Variants in VWC2 observed in about 807,000 individuals in gnomAD.
VWC2 encodes the protein brorin.
VWC2 carries 14 observed loss-of-function variants against 29.8 expected under a neutral mutation model. The observed-to-expected ratio is 0.47, with a 90% confidence interval of 0.31 to 0.74. VWC2 has a LOEUF of 0.74. VWC2 is among the 30% of genes least tolerant of loss of function. The pLI is 0.05. For missense variants in VWC2, 457 were observed against 459.8 expected (o/e 0.99, Z 0.05); for synonymous variants, 213 against 199.0 (o/e 1.07, Z -0.59).
intron 3 of VWC2, among the ~76,000 whole-genome samples, chr7:49,852,606 G>A (rs895870806): frequency 4.0e-5 from 6 of 151,820 alleles, no homozygotes; most frequent in African/African-American, 1.5e-4. Context: ...GAGAAGTGAT[G>A]TTTGTGAGGA....
intron 3 of VWC2, among the ~76,000 whole-genome samples, chr7:49,879,929 A>G (rs949607593): frequency 2.0e-5 from 3 of 152,160 alleles, no homozygotes. Flanking sequence ...GATTCATCAC[A>G]GGTTTTCCAG....
chr7:49,789,118 G>T (rs375768883), intron 2 of VWC2, among the ~76,000 whole-genome samples: 1 of 85,508 alleles, frequency 1.2e-5, no homozygotes, highest in Admixed American at 9.6e-5. Context: ...TTGAGAGAGT[G>T]TAGTGTGTGT....
At chr7:49,803,577 C>T (rs553263545) in intron 3 of VWC2, among the ~76,000 whole-genome samples, 4 of 152,304 alleles carry the variant, frequency 2.6e-5, no homozygotes, top group East Asian at 1.9e-4. Context: ...TGAGTGGCCT[C>T]GCTGACAGGA....
At chr7:49,797,137 G>T (rs371419531) in intron 2 of VWC2, among the ~76,000 whole-genome samples, 1 of 152,170 alleles carries the variant, frequency 6.6e-6, no homozygotes. Flanking sequence ...TTGCCATCAA[G>T]TTAATATCTT....
intron 3 of VWC2, among the ~76,000 whole-genome samples, chr7:49,871,944 CA>C: frequency 8.3e-6 from 1 of 120,862 alleles, no homozygotes; most frequent in African/African-American, 3.5e-5. Flanking sequence ...CACACACACA[CA>C]CACACACACA....
intron 3 of VWC2, among the ~76,000 whole-genome samples, chr7:49,846,619 T>C (rs986158375): frequency 2.0e-5 from 3 of 152,206 alleles, no homozygotes; most frequent in Admixed American, 2.0e-4. Context: ...TACACTGTTA[T>C]TATTATTGCC....
intron 3 of VWC2, among the ~76,000 whole-genome samples, chr7:49,820,861 C>A (rs1789246920): frequency 6.6e-6 from 1 of 152,066 alleles, no homozygotes; most frequent in Admixed American, 6.6e-5. Context: ...CTGAGGAAGG[C>A]TGGCAGGCAT....
chr7:49,922,178 C>A (rs1006382756), downstream of VWC2, among the ~76,000 whole-genome samples: 2 of 152,106 alleles, frequency 1.3e-5, no homozygotes, highest in African/African-American at 4.8e-5. Flanking sequence ...CCTGAAGTAG[C>A]ATCTATAATA....
intron 3 of VWC2, among the ~76,000 whole-genome samples, chr7:49,829,030 C>G (rs1562721110): frequency 6.6e-6 from 1 of 152,202 alleles, no homozygotes; most frequent in Non-Finnish European, 1.5e-5. Context: ...TCTCTCTCTG[C>G]CTCATGGCTA....
chr7:49,846,460 C>T (rs575546546), intron 3 of VWC2, among the ~76,000 whole-genome samples: 7 of 152,302 alleles, frequency 4.6e-5, no homozygotes, highest in Admixed American at 2.0e-4. Flanking sequence ...TCCCTCACTT[C>T]CACGTCTTTG....
chr7:49,794,274 A>C (rs1432704696), intron 2 of VWC2, among the ~76,000 whole-genome samples: 2 of 152,230 alleles, frequency 1.3e-5, no homozygotes, highest in Non-Finnish European at 2.9e-5. Context: ...TGTGCATGAA[A>C]TACTATCATT....
rs1329497386 is a variant in VWC2, at chr7:49,775,773, C to T, written c.338C>T (p.Pro113Leu). 1.1e-5 allele frequency: 17 copies of T among 1,519,110 alleles called. No individual in the cohort carries two copies. The highest frequency in any genetic ancestry group is 5.0e-5 in the South Asian group (4 of 79,364). The allele number at this position is 1,519,110 out of a possible 1,614,324, so 94.1% of individuals were successfully genotyped here. The change falls in exon 2 of 4, where the codon CCC (proline) becomes CTC (leucine). Residue 113 changes from proline to leucine, a missense_variant. Around this residue, in one of 2 missense-constraint regions of VWC2, gnomAD observed 272 missense variants for 202.7 expected, o/e 1.34. Coordinates refer to ENST00000340652, the MANE Select transcript of VWC2 (RefSeq NM_198570.5). The part of the protein sequence containing the change: ...GAKAGDLQVR[P>L]RGDTPQAEAL... ...AAGGCCGGGGATCTGCAGGTCCGGC[C>T]CCGCGGGGACACCCCGCAGGCGGAA...
chr7:49,912,353 G>T lies in VWC2; in HGVS notation c.*168G>T. ...AACAGTTACTACAACAGAAGGAAAT[G>T]GATATATTTCAAAACATCAACAAGA... On this transcript the variant is annotated 3_prime_UTR_variant, in exon 4 of 4. Transcript: ENST00000340652. 3.2e-6 allele frequency: 2 copies of T among 623,348 alleles called. No individual in the cohort carries two copies. The highest frequency in any genetic ancestry group is 2.6e-6 in the Non-Finnish European group (1 of 388,140). 38.6% of individuals were successfully genotyped at this position (623,348 alleles called of 1,614,324 possible). A position where few individuals can be genotyped will look rare whatever the true frequency, so the allele number is the denominator to read the frequency against.
intron 3 of VWC2, among the ~76,000 whole-genome samples, chr7:49,896,255 C>T (rs1037382473): frequency 3.3e-5 from 5 of 152,088 alleles, no homozygotes; most frequent in African/African-American, 9.7e-5. Context: ...GCACAAGAAT[C>T]GCTTGAACCC....
At chr7:49,806,036 T>A (rs1788869069) in intron 3 of VWC2, among the ~76,000 whole-genome samples, 1 of 152,222 alleles carries the variant, frequency 6.6e-6, no homozygotes, top group Admixed American at 6.5e-5. Flanking sequence ...TGCAGATCAA[T>A]CTCCCAGTGT....
rs778422694 is a variant in VWC2 at position 49,912,227 on chromosome 7, T to A, written c.*42T>A. 2.1e-5 allele frequency: 34 copies of A among 1,609,662 alleles called. No individual in the cohort carries two copies. Among genetic ancestry groups the A allele is most frequent in the Non-Finnish European group, 1.2e-5 (14 of 1,177,058 alleles). ...AAACTCTGACTTTTTCTAGAACATTTTACTGATGTGAACATTCTAGATGAC... is the reference window on the plus strand; with the variant it reads ...AAACTCTGACTTTTTCTAGAACATTATACTGATGTGAACATTCTAGATGAC... On this transcript the variant is annotated 3_prime_UTR_variant, in exon 4 of 4. Transcript: ENST00000340652.
intron 3 of VWC2, among the ~76,000 whole-genome samples, chr7:49,874,601 G>T (rs1171933939): frequency 1.3e-5 from 2 of 152,134 alleles, no homozygotes; most frequent in Non-Finnish European, 2.9e-5. Flanking sequence ...GAGAAAGAGA[G>T]AAATATAGCT....
chr7:49,783,807 C>T (rs1038910170), intron 2 of VWC2, among the ~76,000 whole-genome samples: 7 of 151,938 alleles, frequency 4.6e-5, no homozygotes, highest in African/African-American at 9.7e-5. Context: ...CCCGGCAGTT[C>T]GGGAGGCCGA....
intron 2 of VWC2, among the ~76,000 whole-genome samples, chr7:49,794,549 C>T (rs995966698): frequency 1.3e-5 from 2 of 152,180 alleles, no homozygotes; most frequent in African/African-American, 4.8e-5. Flanking sequence ...GGCCCAGAAG[C>T]TTGAGAAAGA....
Sources: allele counts gnomAD v4.1 joint callset (sites outside exome capture counted in the v4.1 genomes callset), GRCh38; gene constraint gnomAD v4.1.1; regional missense constraint gnomAD v4.1.1; transcripts MANE v1.5; gene names NCBI Gene and HGNC (gene_info 2026-07-23, HGNC 2026-07-21).